Variants in ZMPSTE24 observed in about 807,000 individuals in gnomAD.
ZMPSTE24 encodes CAAX prenyl protease 1 homolog.
Under a neutral mutation model 56.7 loss-of-function variants are expected in ZMPSTE24, and 48 were observed. That is an observed-to-expected ratio of 0.85 (90% CI 0.67 to 1.08). The LOEUF (loss-of-function observed/expected upper bound fraction) is 1.08, where lower values mean the gene tolerates loss of function less well. Ranked by LOEUF, ZMPSTE24 falls within the 50% of genes least tolerant of loss-of-function variation. The pLI is 0.00. For synonymous variants in ZMPSTE24, 172 were observed against 195.2 expected, an observed-to-expected ratio of 0.88 and a Z score of 0.99; for missense variants, 503 against 548.7, an observed-to-expected ratio of 0.92 and a Z score of 0.83.
At position 40,258,361 on chromosome 1, in the gene ZMPSTE24, G is replaced by T; in HGVS notation, c.90G>T (p.Val30=). ...CCGTGCTGCTCTTTTCCTGGACAGT[G>T]TATCTTTGGGAGACCTTCCTAGCAC... ...FGAVLLFSWT[V]YLWETFLAQR... is the part of the protein sequence containing the mutation. Residue 30 remains valine (V), a synonymous_variant, in exon 1 of 10, where the codon GTG becomes GTT. Coordinates refer to ENST00000372759, the MANE Select transcript of ZMPSTE24 (RefSeq NM_005857.5). 6.2e-7 allele frequency: 1 copy of T among 1,614,224 alleles called. No homozygotes were observed. The highest frequency in any genetic ancestry group is 8.5e-7 in the Non-Finnish European group (1 of 1,180,048).
intron 9 of ZMPSTE24, among the ~76,000 whole-genome samples, chr1:40,291,839 C>CTTTT (rs769515049): frequency 8.3e-5 from 11 of 132,930 alleles, no homozygotes; most frequent in South Asian, 2.5e-4. Flanking sequence ...TCTTAAAACT[C>CTTTT]TTTTTTTTTT....
At chr1:40,266,550 CGG>C (rs1643550220) in intron 2 of ZMPSTE24, among the ~76,000 whole-genome samples, 2 of 152,046 alleles carry the variant, frequency 1.3e-5, no homozygotes. Flanking sequence ...CTGTGAAAGC[CGG>C]GCCCCTACCT....
In ZMPSTE24 at chr1:40,258,243, G is replaced by A. The variant is rs1042536390; in HGVS notation, c.-29G>A. ...GAGTGTCGGTGTGGCACCGGTGCAC[G>A]CTGAAGGAGCCGGCGGAACCGGGTG... On this transcript the variant is annotated 5_prime_UTR_variant, in exon 1 of 10. Coordinates refer to ENST00000372759, the MANE Select transcript of ZMPSTE24 (RefSeq NM_005857.5). The A allele has an allele frequency of 5.0e-6, 8 of 1,611,608 alleles. No individual in the cohort carries two copies. In the African/African-American group the frequency reaches 6.7e-5, roughly 13 times the overall value.
intron 6 of ZMPSTE24, among the ~76,000 whole-genome samples, chr1:40,273,537 AATATATATATAT>A (rs71577619): frequency 6.5e-4 from 8 of 12,386 alleles, no homozygotes; most frequent in African/African-American, 1.3e-3. Context: ...AAAAAAAAAA[AATATATATATAT>A]ATATATATAT....
chr1:40,286,643 A>T (rs983613688), intron 8 of ZMPSTE24, among the ~76,000 whole-genome samples: 1 of 150,980 alleles, frequency 6.6e-6, no homozygotes, highest in Non-Finnish European at 1.5e-5. Context: ...CTGGTCTCGA[A>T]CTCCTGACCT....
In ZMPSTE24 at chr1:40,269,970, T is replaced by G. The variant is rs755913560; in HGVS notation, c.475-5T>G. 2.5e-6 allele frequency: 4 copies of G among 1,603,902 alleles called. No homozygotes were observed. The highest frequency in any genetic ancestry group is 3.4e-6 in the Non-Finnish European group (4 of 1,177,476). ...GTTTCTTGTGGTAATGTTTTCTTTT[T>G]GCAGACTTTGGGGTTCTTCATGAAA... On this transcript the variant is annotated splice_region_variant and splice_polypyrimidine_tract_variant and intron_variant, in intron 4 of 9. Coordinates refer to ENST00000372759, the MANE Select transcript of ZMPSTE24 (RefSeq NM_005857.5).
chr1:40,282,513 GTATT>G (rs1387304260), intron 7 of ZMPSTE24, among the ~76,000 whole-genome samples: 12 of 152,134 alleles, frequency 7.9e-5, no homozygotes, highest in Non-Finnish European at 1.8e-4. Context: ...ATTTATTTAT[GTATT>G]TATTTATTTT....
chr1:40,267,764 C>T (rs778972101), intron 2 of ZMPSTE24, 22 bp from the exon 3 acceptor site: 1 of 1,549,616 alleles, frequency 6.5e-7, no homozygotes, highest in Non-Finnish European at 8.9e-7. Context: ...CAACTGTGAT[C>T]AAAGTATGCT....
rs1185374758 is a variant in ZMPSTE24 at position 40,258,262 on chromosome 1, C to G, written c.-10C>G. The stretch of plus-strand genomic sequence containing the variant: ...GTGCACGCTGAAGGAGCCGGCGGAA[C>G]CGGGTGGCCATGGGGATGTGGGCAT... On this transcript the variant is annotated 5_prime_UTR_variant, in exon 1 of 10. Coordinates refer to ENST00000372759, the MANE Select transcript of ZMPSTE24 (RefSeq NM_005857.5). 2 of 1,613,230 alleles carry G rather than the reference C, an allele frequency of 1.2e-6. No individual in the cohort carries two copies. The highest frequency in any genetic ancestry group is 8.5e-7 in the Non-Finnish European group (1 of 1,179,936).
chr1:40,290,794 C>T (rs1643835639), intron 8 of ZMPSTE24, 60 bp from the exon 9 acceptor site: 2 of 1,591,334 alleles, frequency 1.3e-6, no homozygotes, highest in African/African-American at 2.7e-5. Flanking sequence ...ATGGATGCTA[C>T]TGATCCCATA....
intron 6 of ZMPSTE24, among the ~76,000 whole-genome samples, chr1:40,273,896 T>C (rs1197271923): frequency 2.0e-5 from 3 of 152,036 alleles, no homozygotes; most frequent in African/African-American, 7.3e-5. Context: ...CGGTGCTATT[T>C]TCTTTTTATC....
At chr1:40,273,725 C>T (rs1643640287) in intron 6 of ZMPSTE24, among the ~76,000 whole-genome samples, 1 of 148,028 alleles carries the variant, frequency 6.8e-6, no homozygotes, top group South Asian at 2.1e-4. Flanking sequence ...TAATATTAAA[C>T]TAGAAATTTA....
chr1:40,274,319 T>G (rs1361375312), intron 6 of ZMPSTE24, among the ~76,000 whole-genome samples: 1 of 152,268 alleles, frequency 6.6e-6, no homozygotes, highest in Non-Finnish European at 1.5e-5. Flanking sequence ...ATGTTGTTGC[T>G]GACAATAACA....
At chr1:40,262,656 C>T (rs1294348910) in intron 2 of ZMPSTE24, 1 of 211,074 alleles carries the variant, frequency 4.7e-6, no homozygotes, top group Admixed American at 6.4e-5. Context: ...TAAACATATC[C>T]AAGATCTTAA....
chr1:40,290,671 C>T, intron 8 of ZMPSTE24, 183 bp from the exon 9 acceptor site: 1 of 539,984 alleles, frequency 1.9e-6, no homozygotes, highest in Non-Finnish European at 3.3e-6. Context: ...ACCATGTTAG[C>T]CAGGATGGTC....
In ZMPSTE24 at chr1:40,293,411, C is replaced by T. The variant is rs1170559186; in HGVS notation, c.*742C>T. On this transcript the variant is annotated 3_prime_UTR_variant, in exon 10 of 10. Transcript: ENST00000372759. Reference sequence around the variant, plus strand: ...TTTTCCCACGTGGTAGATATGATCCCATTGGAGGTAAATTGTAGCTTCTTC... The same window carrying T: ...TTTTCCCACGTGGTAGATATGATCCTATTGGAGGTAAATTGTAGCTTCTTC... 2.0e-5 allele frequency: 3 copies of T among 152,050 alleles called. No individual in the cohort carries two copies. Among genetic ancestry groups the T allele is most frequent in the Non-Finnish European group, 4.4e-5 (3 of 68,026 alleles). The allele number at this position is 152,050 out of a possible 1,614,324, so 9.4% of individuals were successfully genotyped here.
intron 8 of ZMPSTE24, 190 bp from the exon 9 acceptor site, chr1:40,290,664 A>G (rs191988803): frequency 2.3e-4 from 118 of 512,566 alleles, no homozygotes; most frequent in African/African-American, 1.9e-3. Context: ...GGGTTTCACC[A>G]TGTTAGCCAG....
chr1:40,288,123 A>C (rs975714559), intron 8 of ZMPSTE24, among the ~76,000 whole-genome samples: 3 of 152,096 alleles, frequency 2.0e-5, no homozygotes, highest in Admixed American at 2.0e-4. Flanking sequence ...GGCTGCAGTG[A>C]GCCATGATCA....
intron 6 of ZMPSTE24, among the ~76,000 whole-genome samples, chr1:40,275,531 T>C (rs1440953025): frequency 1.3e-5 from 2 of 150,320 alleles, no homozygotes; most frequent in East Asian, 4.0e-4. Flanking sequence ...GCAGGTGGAT[T>C]ACCTGAGGTC....
Sources: gnomAD v4.1 joint callset for allele counts (sites outside exome capture counted in the v4.1 genomes callset) on GRCh38, gnomAD v4.1.1 for gene constraint, MANE v1.5 for transcripts, NCBI Gene and HGNC (gene_info 2026-07-23, HGNC 2026-07-21) for gene names.